The following MTMR1 variants were observed in gnomAD, a reference collection of about 807,000 sequenced individuals.
MTMR1 encodes myotubularin related protein 1.
MTMR1 carries 17 observed loss-of-function variants against 51.6 expected under a neutral mutation model. The observed-to-expected ratio is 0.33, with a 90% CI of 0.23 to 0.49. The LOEUF (loss-of-function observed/expected upper bound fraction) is 0.49. Among genes scored for constraint, MTMR1 ranks in the 20% least tolerant of loss-of-function variants. The pLI is 0.99. For synonymous variants in MTMR1, 201 were observed against 205.6 expected (o/e 0.98, Z 0.19); for missense variants, 386 against 526.9 (o/e 0.73, Z 2.62).
intron 12 of MTMR1, among the ~76,000 whole-genome samples, chrX:150,739,578 G>A (rs1334423450): frequency 5.4e-5 from 6 of 112,126 alleles, no homozygotes; most frequent in South Asian, 3.8e-4. Flanking sequence ...AGGTGCCAGC[G>A]ATGGCAGCAT....
chrX:150,698,618 C>T (rs1189191104), intron 1 of MTMR1, among the ~76,000 whole-genome samples: 5 of 108,558 alleles, frequency 4.6e-5, no homozygotes, highest in African/African-American at 1.7e-4. Context: ...GGGTGGGTCA[C>T]TCGAGCCCAG....
intron 2 of MTMR1, among the ~76,000 whole-genome samples, chrX:150,711,036 A>C (rs1953053816): frequency 8.9e-6 from 1 of 112,563 alleles, no homozygotes; most frequent in Non-Finnish European, 1.9e-5. Context: ...CCATAAACAT[A>C]TACTACTTTT....
intron 3 of MTMR1, 109 bp from the exon 4 acceptor site, chrX:150,718,516 G>A: frequency 5.1e-6 from 5 of 976,454 alleles, no homozygotes; most frequent in Non-Finnish European, 6.7e-6. Flanking sequence ...TAGCCTTATA[G>A]TGACATCACA....
intron 12 of MTMR1, among the ~76,000 whole-genome samples, chrX:150,743,193 C>G (rs1299016858): frequency 2.7e-5 from 3 of 110,611 alleles, no homozygotes; most frequent in Non-Finnish European, 3.8e-5. Context: ...CTCTTGAGGT[C>G]AGGGGTTCAA....
chrX:150,731,875 A>G (rs1166090965), intron 9 of MTMR1, among the ~76,000 whole-genome samples: 1 of 112,253 alleles, frequency 8.9e-6, no homozygotes, highest in African/African-American at 3.2e-5. Context: ...GTAGTAGAGA[A>G]TGACAAAGGA....
At chrX:150,740,742 C>T (rs1455670137) in intron 12 of MTMR1, among the ~76,000 whole-genome samples, 5 of 111,217 alleles carry the variant, frequency 4.5e-5, no homozygotes, top group African/African-American at 1.6e-4. Flanking sequence ...GTACAAGAAG[C>T]ATGGTGCCGG....
chrX:150,699,688 A>G (rs1422354026), intron 2 of MTMR1, among the ~76,000 whole-genome samples: 16 of 112,720 alleles, frequency 1.4e-4, no homozygotes, highest in African/African-American at 3.9e-4. Context: ...TTCAGCATTA[A>G]CATGTGATAC....
intron 1 of MTMR1, among the ~76,000 whole-genome samples, chrX:150,695,213 C>A (rs1331540741): frequency 8.9e-6 from 1 of 111,856 alleles, no homozygotes; most frequent in East Asian, 2.8e-4. Context: ...TAGGGAGAGA[C>A]AAGTAAGGGA....
chrX:150,724,761 G>C (rs1557416710), intron 4 of MTMR1, among the ~76,000 whole-genome samples: 1 of 111,999 alleles, frequency 8.9e-6, no homozygotes, highest in African/African-American at 3.2e-5. Context: ...ATTGATTTTT[G>C]TATATGGTGT....
At chrX:150,695,766 GA>G (rs1364508307) in intron 1 of MTMR1, among the ~76,000 whole-genome samples, 7 of 111,825 alleles carry the variant, frequency 6.3e-5, no homozygotes, top group African/African-American at 2.0e-4. Context: ...TCAAACTGGG[GA>G]GTCATGGGCT....
At chrX:150,714,470 G>A (rs2041425056) in intron 3 of MTMR1, 1 of 978,482 alleles carries the variant, frequency 1.0e-6, no homozygotes, top group Non-Finnish European at 1.3e-6. Context: ...TGCACCTGGT[G>A]CTGTGCAGGA....
chrX:150,728,712 C>T (rs1204616048), intron 6 of MTMR1, among the ~76,000 whole-genome samples: 1 of 110,660 alleles, frequency 9.0e-6, no homozygotes, highest in African/African-American at 3.3e-5. Flanking sequence ...TTACCAAAAA[C>T]CCTACCTGAA....
intron 12 of MTMR1, among the ~76,000 whole-genome samples, chrX:150,738,806 C>G (rs782164135): frequency 1.8e-5 from 2 of 111,973 alleles, no homozygotes; most frequent in East Asian, 5.6e-4. Flanking sequence ...ACCGAATGTT[C>G]AGGCCTCAAT....
At chrX:150,726,527 G>A (rs1180847239) in intron 4 of MTMR1, among the ~76,000 whole-genome samples, 3 of 111,729 alleles carry the variant, frequency 2.7e-5, no homozygotes, top group African/African-American at 9.8e-5. Context: ...TGAGAATTTG[G>A]TTCAATGACG....
At chrX:150,726,735 G>C (rs2041952005) in intron 4 of MTMR1, among the ~76,000 whole-genome samples, 2 of 112,083 alleles carry the variant, frequency 1.8e-5, no homozygotes, top group South Asian at 7.4e-4. Flanking sequence ...AGGGGATAAG[G>C]AATTTGAAAT....
intron 15 of MTMR1, among the ~76,000 whole-genome samples, chrX:150,757,369 C>G (rs781832942): frequency 8.9e-6 from 1 of 112,915 alleles, no homozygotes; most frequent in African/African-American, 3.2e-5. Context: ...CTAGTCATCA[C>G]TTGCCTCTTC....
intron 14 of MTMR1, among the ~76,000 whole-genome samples, chrX:150,754,369 T>C (rs1482331049): frequency 1.8e-5 from 2 of 113,030 alleles, no homozygotes; most frequent in Admixed American, 1.9e-4. Context: ...GAAATGGTCC[T>C]AATTGAATGT....
Position 150,764,723 on chromosome X carries a change from T to G in MTMR1, c.*1994T>G, listed in dbSNP as rs782692552. The G allele has an allele frequency of 1.8e-5, 2 of 112,499 alleles. No homozygotes were observed. Among genetic ancestry groups the G allele is most frequent in the African/African-American group, 6.5e-5 (2 of 30,957 alleles). The allele number at this position is 112,499 out of a possible 1,213,427, so 9.3% of individuals were successfully genotyped here. On this transcript the variant is annotated 3_prime_UTR_variant, in exon 16 of 16. Coordinates refer to ENST00000445323, the MANE Select transcript of MTMR1 (RefSeq NM_001306144.3). ...AAGAAGCACAACGGGTCATTTTCCT[T>G]TGTATGTTCCTAGCGCAGAACTGTT...
At position 150,763,141 on chromosome X, in the gene MTMR1, T is replaced by C. The variant is rs1207556333; in HGVS notation, c.*412T>C. 7.9e-6 allele frequency: 1 copy of C among 125,889 alleles called. No individual in the cohort carries two copies. Among genetic ancestry groups the C allele is most frequent in the African/African-American group, 3.2e-5 (1 of 31,478 alleles). 10.4% of individuals were successfully genotyped at this position (125,889 alleles called of 1,213,427 possible). A position where few individuals can be genotyped will look rare whatever the true frequency, so the allele number is the denominator to read the frequency against. On this transcript the variant is annotated 3_prime_UTR_variant, in exon 16 of 16. Coordinates refer to ENST00000445323, the MANE Select transcript of MTMR1 (RefSeq NM_001306144.3). ...TTGAAAACTGTCTTGAATGAAGTAC[T>C]TGGGGAGAAGACAGGCCACTGCCCT... is the stretch of plus-strand genomic sequence containing the variant.
Sources: allele counts gnomAD v4.1 joint callset (sites outside exome capture counted in the v4.1 genomes callset), GRCh38; gene constraint gnomAD v4.1.1; transcripts MANE v1.5; gene names NCBI Gene and HGNC (gene_info 2026-07-23, HGNC 2026-07-21).